The following TBATA variants were observed in gnomAD, a reference collection of about 807,000 sequenced individuals.
The protein encoded by TBATA is thymus, brain and testes associated.
TBATA carries 47 observed loss-of-function variants against 38.7 expected under a neutral mutation model. That is an observed-to-expected ratio of 1.21 (90% CI 0.96 to 1.55). The LOEUF is 1.55. Among genes scored for constraint, TBATA ranks in the 40% most tolerant of loss-of-function variants. The pLI, the probability that TBATA is intolerant of heterozygous loss-of-function variation, is 0.00. For synonymous variants in TBATA, 183 were observed against 170.5 expected, an observed-to-expected ratio of 1.07 and a Z score of -0.57; for missense variants, 436 against 435.6, an observed-to-expected ratio of 1.00 and a Z score of -0.01.
At chr10:70,783,276 G>A in intron 3 of TBATA, 63 bp downstream of exon 3, 1 of 1,592,648 alleles carries the variant, frequency 6.3e-7, no homozygotes, top group Non-Finnish European at 8.6e-7. Context: ...GGCCACCTTT[G>A]TCTTCTACCC....
Position 70,779,802 on chromosome 10 carries a change from G to A in TBATA, c.278-60C>T, listed in dbSNP as rs762065887. ...TAGGTGGACCTTAAGAGCTCCAGGA[G>A]GCAGGGAAGAGGCTGAGAGGCAGGG... On this transcript the variant is annotated intron_variant, in intron 4 of 10. Coordinates refer to ENST00000456372, the MANE Select transcript of TBATA (RefSeq NM_001318241.2). The A allele has an allele frequency of 1.2e-5, 18 of 1,481,450 alleles. No individual in the cohort carries two copies. The African/African-American group carries it at 1.8e-4, about 15-fold the overall frequency. The allele number at this position is 1,481,450 out of a possible 1,614,324, so 91.8% of individuals were successfully genotyped here.
chr10:70,784,940 G>A (rs1006915089), intron 1 of TBATA, among the ~76,000 whole-genome samples, 167 bp from the exon 2 acceptor site: 1 of 152,164 alleles, frequency 6.6e-6, no homozygotes, highest in African/African-American at 2.4e-5. Flanking sequence ...TACATATGAT[G>A]CACACTGATA....
intron 9 of TBATA, among the ~76,000 whole-genome samples, chr10:70,773,825 T>A (rs889999611): frequency 2.0e-5 from 3 of 152,364 alleles, no homozygotes; most frequent in Non-Finnish European, 2.9e-5. Flanking sequence ...AATTAATCTT[T>A]CTCTTCCAGC....
rs567613166 is a variant in TBATA, at chr10:70,779,697, G to T, written c.323C>A (p.Pro108His). ...GGAAAAGACAGTTGACTCAGGCAAG[G>T]GGGCTGGAAAATCCCTGACGACACA... is the stretch of plus-strand genomic sequence containing the variant. ...PVCVVRDFPAPLPESTVFSGC... is the reference protein window; with the variant it reads ...PVCVVRDFPAHLPESTVFSGC... The change falls in exon 5 of 11, where the codon CCC becomes CAC. Residue 108 changes from proline to histidine, a missense_variant. By Grantham distance (77) the Pro-to-His change is moderately conservative. Coordinates refer to ENST00000456372, the MANE Select transcript of TBATA (RefSeq NM_001318241.2). 3.2e-6 allele frequency: 5 copies of T among 1,539,610 alleles called. No individual in the cohort carries two copies. In the South Asian group the frequency reaches 3.8e-5, roughly 12 times the overall value.
At chr10:70,782,566 CA>C (rs1421567376) in intron 3 of TBATA, 1 of 985,350 alleles carries the variant, frequency 1.0e-6, no homozygotes, top group Non-Finnish European at 1.2e-6. Context: ...ACCAGACCAG[CA>C]AGTTCTGTTC....
chr10:70,773,764 G>A (rs938598217), intron 9 of TBATA, among the ~76,000 whole-genome samples: 1 of 152,216 alleles, frequency 6.6e-6, no homozygotes, highest in Non-Finnish European at 1.5e-5. Flanking sequence ...CAGTGGCCTT[G>A]CTGACTCTCA....
At chr10:70,781,721 G>T in intron 4 of TBATA, 80 bp downstream of exon 4, 4 of 1,338,852 alleles carry the variant, frequency 3.0e-6, no homozygotes, top group Non-Finnish European at 4.2e-6. Context: ...GAAATGGGCT[G>T]CCATCAATTC....
chr10:70,782,601 G>A, intron 3 of TBATA: 1 of 985,460 alleles, frequency 1.0e-6, no homozygotes, highest in Non-Finnish European at 1.2e-6. Flanking sequence ...TCCTAGGAGA[G>A]GAAGAGCTGA....
intron 5 of TBATA, 78 bp downstream of exon 5, chr10:70,779,515 G>A: frequency 7.1e-7 from 1 of 1,404,900 alleles, no homozygotes; most frequent in Non-Finnish European, 9.3e-7. Context: ...CTTTCCTTCT[G>A]GGCACCCACC....
At position 70,779,640 on chromosome 10, in the gene TBATA, A is replaced by T; in HGVS notation, c.380T>A (p.Val127Asp). 1 of 1,531,474 alleles carries T rather than the reference A, an allele frequency of 6.5e-7. No individual in the cohort carries two copies. The highest frequency in any genetic ancestry group is 1.5e-5 in the African/African-American group (1 of 68,928). The allele number at this position is 1,531,474 out of a possible 1,614,324, so 94.9% of individuals were successfully genotyped here. ...ATTAGACTGTGGGTCTCCAATGGGGACAGAGATGGTGGGTATCCCCATTTG... is the reference window on the plus strand; with the variant it reads ...ATTAGACTGTGGGTCTCCAATGGGGTCAGAGATGGTGGGTATCCCCATTTG... ...GCQMGIPTIS[V>D]PIGDPQSNRN... The change falls in exon 5 of 11, where the codon GTC becomes GAC. Residue 127 changes from valine to aspartate, a missense_variant. Coordinates refer to ENST00000456372, the MANE Select transcript of TBATA (RefSeq NM_001318241.2).
At position 70,779,581 on chromosome 10, in the gene TBATA, C is replaced by CT. The variant is rs751662517; in HGVS notation, c.427+11_427+12insA. 16 of 1,476,986 alleles carry CT rather than the reference C, an allele frequency of 1.1e-5. No individual in the cohort carries two copies. The African/African-American group carries it at 2.4e-4, about 22-fold the overall frequency. The allele number at this position is 1,476,986 out of a possible 1,614,324, so 91.5% of individuals were successfully genotyped here. On this transcript the variant is annotated intron_variant, in intron 5 of 10. Coordinates refer to ENST00000456372, the MANE Select transcript of TBATA (RefSeq NM_001318241.2). ...GCCCCAGGGTAGAGGGAGGCATGGC[C>CT]CAAGTACCCACCAGAAGAAAGCTGG...
At chr10:70,776,111 C>T (rs1843359717) in intron 7 of TBATA, among the ~76,000 whole-genome samples, 1 of 152,160 alleles carries the variant, frequency 6.6e-6, no homozygotes, top group African/African-American at 2.4e-5. Context: ...GTGAGGCCCC[C>T]TCAGCTCCTG....
intron 7 of TBATA, 28 bp from the exon 8 acceptor site, chr10:70,775,298 G>T: frequency 2.5e-6 from 4 of 1,597,754 alleles, no homozygotes; most frequent in Non-Finnish European, 3.4e-6. Context: ...GCACATTCCA[G>T]CCAGGAGTAC....
At chr10:70,777,420 C>T (rs1015463121) in intron 6 of TBATA, 82 bp from the exon 7 acceptor site, 26 of 1,344,140 alleles carry the variant, frequency 1.9e-5, no homozygotes, top group East Asian at 7.0e-5. Context: ...AGCAGGAGGC[C>T]GGGTCACAAT....
At chr10:70,783,127 T>G (rs1844464403) in intron 3 of TBATA, among the ~76,000 whole-genome samples, 1 of 152,216 alleles carries the variant, frequency 6.6e-6, no homozygotes, top group Admixed American at 6.5e-5. Context: ...GCTCAAGTCT[T>G]TTCCCTGCCC....
At chr10:70,783,899 A>G (rs762676501) in intron 2 of TBATA, among the ~76,000 whole-genome samples, 2 of 152,240 alleles carry the variant, frequency 1.3e-5, no homozygotes, top group Non-Finnish European at 2.9e-5. Context: ...CTTTTTATTA[A>G]TTACTATTAA....
chr10:70,779,485 C>A, intron 5 of TBATA, 108 bp downstream of exon 5: 1 of 1,295,468 alleles, frequency 7.7e-7, no homozygotes, highest in Non-Finnish European at 1.0e-6. Flanking sequence ...ACGGACCTCA[C>A]TGACCTAAGA....
intron 10 of TBATA, 43 bp downstream of exon 10, chr10:70,772,471 G>A (rs762957357): frequency 1.3e-6 from 2 of 1,594,180 alleles, no homozygotes; most frequent in South Asian, 2.2e-5. Flanking sequence ...GCCAGAGTGG[G>A]CCTTGGTGAG....
chr10:70,781,611 C>T (rs1844221879), intron 4 of TBATA, among the ~76,000 whole-genome samples, 190 bp downstream of exon 4: 1 of 152,230 alleles, frequency 6.6e-6, no homozygotes, highest in African/African-American at 2.4e-5. Flanking sequence ...GAACCTGTCA[C>T]CCACCCTTGG....
Sources: allele counts gnomAD v4.1 joint callset (sites outside exome capture counted in the v4.1 genomes callset), GRCh38; gene constraint gnomAD v4.1.1; transcripts MANE v1.5; gene names NCBI Gene and HGNC (gene_info 2026-07-23, HGNC 2026-07-21).